The following PARG variants were observed in gnomAD, a reference collection of about 807,000 sequenced individuals.
The protein encoded by PARG is mitochondrial poly(ADP-ribose) glycohydrolase.
In PARG, 35 loss-of-function variants were observed where a neutral mutation model predicts 113.0. That is an observed-to-expected ratio of 0.31 (90% CI 0.24 to 0.41). The LOEUF is 0.41. PARG is among the 10% of genes least tolerant of loss of function. PARG has a pLI of 1.00. For synonymous variants in PARG, 330 were observed against 409.9 expected (o/e 0.81, Z 2.36); for missense variants, 797 against 1,169.4 (o/e 0.68, Z 4.64).
intron 1 of PARG, among the ~76,000 whole-genome samples, chr10:49,936,375 G>A (rs1554910846): frequency 2.0e-5 from 3 of 152,128 alleles, no homozygotes; most frequent in East Asian, 1.9e-4. Flanking sequence ...CGATTAGGTC[G>A]ATTCTGCCTA....
At chr10:49,892,517 C>T (rs1847858955) in intron 7 of PARG, among the ~76,000 whole-genome samples, 1 of 152,056 alleles carries the variant, frequency 6.6e-6, no homozygotes, top group Non-Finnish European at 1.5e-5. Flanking sequence ...ACACAGTATT[C>T]CAAAGTAGAG....
At chr10:49,845,528 G>T (rs1845465043) in intron 13 of PARG, among the ~76,000 whole-genome samples, 1 of 152,226 alleles carries the variant, frequency 6.6e-6, no homozygotes. Context: ...CTTCAGAGAA[G>T]CCTCAGCTCT....
At position 49,941,753 on chromosome 10, in the gene PARG, G is replaced by C; in HGVS notation, c.-28C>G. 6.5e-7 allele frequency: 1 copy of C among 1,549,394 alleles called. No individual in the cohort carries two copies. Among genetic ancestry groups the C allele is most frequent in the Non-Finnish European group, 8.7e-7 (1 of 1,151,176 alleles). ...TGGGACCAGCAGCGCACTGTCCCCG[G>C]GCCGGCCCGGGCGGAGAGCCTCATT... On this transcript the variant is annotated 5_prime_UTR_variant, in exon 1 of 18. Transcript: ENST00000616448.
intron 7 of PARG, among the ~76,000 whole-genome samples, chr10:49,913,867 C>T (rs1252703004): frequency 6.6e-6 from 1 of 152,108 alleles, no homozygotes; most frequent in Non-Finnish European, 1.5e-5. Context: ...TGTGCCGCTG[C>T]ACTCCAGCCT....
chr10:49,827,591 A>C (rs1481358053), intron 16 of PARG, among the ~76,000 whole-genome samples: 1 of 152,226 alleles, frequency 6.6e-6, no homozygotes, highest in Non-Finnish European at 1.5e-5. Flanking sequence ...AAAACAGAAC[A>C]AAAACAACAA....
Position 49,843,589 on chromosome 10 carries a change from A to G in PARG, c.2397T>C (p.Tyr799=), listed in dbSNP as rs1845351494. Residue 799 remains tyrosine (Y), a synonymous_variant, in exon 14 of 18, where the codon TAT becomes TAC. Transcript: ENST00000616448. ...CATCTTCGTGGCTCCGGGACCAACG[A>G]TATGTCTCAGCATAGCCTGTGTATT... is the stretch of plus-strand genomic sequence containing the variant. ...YSEYTGYAET[Y]RWSRSHEDGS... 1 of 1,551,120 alleles carries G rather than the reference A, an allele frequency of 6.4e-7. No individual in the cohort carries two copies. Among genetic ancestry groups the G allele is most frequent in the African/African-American group, 1.4e-5 (1 of 73,042 alleles).
intron 1 of PARG, among the ~76,000 whole-genome samples, 192 bp from the exon 2 acceptor site, chr10:49,935,334 G>T (rs1172615797): frequency 3.9e-5 from 6 of 152,306 alleles, no homozygotes; most frequent in African/African-American, 1.4e-4. Context: ...AAAATGACTG[G>T]TGCCTAAAAG....
chr10:49,873,234 CCT>C (rs1846783763), intron 9 of PARG, among the ~76,000 whole-genome samples: 1 of 53,818 alleles, frequency 1.9e-5, no homozygotes, highest in African/African-American at 7.7e-5. Flanking sequence ...GCTAGCCATA[CCT>C]CTCTTTTGAG....
Position 49,823,579 on chromosome 10 carries a change from C to T in PARG, c.2648-3286G>A, listed in dbSNP as rs573495308. 1.4e-4 allele frequency among the ~76,000 whole-genome samples: 22 copies of T among 152,226 alleles called. No homozygotes were observed. In the South Asian group the frequency reaches 3.9e-3, roughly 27 times the overall value. ...AAACTGCTCAACCAACTTATCCATACATTAAAGTTTCAATACACCCTATTT... is the reference window on the plus strand; with the variant it reads ...AAACTGCTCAACCAACTTATCCATATATTAAAGTTTCAATACACCCTATTT... On this transcript the variant is annotated intron_variant, in intron 16 of 17. Coordinates refer to ENST00000616448, the MANE Select transcript of PARG (RefSeq NM_003631.5).
intron 8 of PARG, among the ~76,000 whole-genome samples, chr10:49,881,509 A>G (rs1588936406): frequency 6.6e-6 from 1 of 152,334 alleles, no homozygotes; most frequent in Admixed American, 6.5e-5. Context: ...TCTCCCCTTC[A>G]GTAAGACCCA....
intron 13 of PARG, among the ~76,000 whole-genome samples, chr10:49,857,066 A>G (rs1168059675): frequency 4.6e-5 from 7 of 151,926 alleles, no homozygotes; most frequent in Non-Finnish European, 8.8e-5. Flanking sequence ...ATAGTTTTTA[A>G]TCCCTGTTCC....
chr10:49,839,381 A>G (rs1554831796), intron 15 of PARG, among the ~76,000 whole-genome samples: 2 of 152,164 alleles, frequency 1.3e-5, no homozygotes, highest in African/African-American at 4.8e-5. Flanking sequence ...GTCATTTAAC[A>G]AAATATTTTT....
At chr10:49,917,044 G>A (rs1308295738) in intron 6 of PARG, among the ~76,000 whole-genome samples, 1 of 151,834 alleles carries the variant, frequency 6.6e-6, no homozygotes, top group African/African-American at 2.4e-5. Context: ...TTATTCACTT[G>A]GAATCAGGGG....
intron 8 of PARG, among the ~76,000 whole-genome samples, chr10:49,881,467 G>C (rs1847210829): frequency 6.6e-6 from 1 of 152,158 alleles, no homozygotes; most frequent in Admixed American, 6.6e-5. Context: ...GTTTCAAAAT[G>C]CTCCCACAGA....
intron 10 of PARG, among the ~76,000 whole-genome samples, 200 bp downstream of exon 10, chr10:49,869,276 G>C (rs1257230166): frequency 3.3e-5 from 5 of 151,980 alleles, no homozygotes; most frequent in African/African-American, 1.2e-4. Context: ...TGTAAACCCC[G>C]CCCCCCTACA....
chr10:49,822,799 A>G (rs377019102), intron 16 of PARG, among the ~76,000 whole-genome samples: 7 of 152,352 alleles, frequency 4.6e-5, no homozygotes, highest in African/African-American at 1.4e-4. Flanking sequence ...GCCTCTTGAC[A>G]GTGTCACTGA....
At chr10:49,935,350 G>T (rs1426834230) in intron 1 of PARG, among the ~76,000 whole-genome samples, 19 of 152,304 alleles carry the variant, frequency 1.2e-4, no homozygotes, top group Middle Eastern at 6.8e-3. Context: ...AAAAGAGTTG[G>T]TATGGCCTAA....
chr10:49,886,236 T>G (rs543137323), intron 7 of PARG, among the ~76,000 whole-genome samples: 3 of 152,214 alleles, frequency 2.0e-5, no homozygotes, highest in Non-Finnish European at 4.4e-5. Flanking sequence ...CCACAGCTCT[T>G]CCTACTTCCC....
intron 6 of PARG, among the ~76,000 whole-genome samples, chr10:49,918,882 G>A (rs1250134689): frequency 6.6e-6 from 1 of 152,026 alleles, no homozygotes; most frequent in Non-Finnish European, 1.5e-5. Flanking sequence ...TAATCATGGT[G>A]CACTAAGGAA....
Sources: allele counts gnomAD v4.1 joint callset (sites outside exome capture counted in the v4.1 genomes callset), GRCh38; gene constraint gnomAD v4.1.1; transcripts MANE v1.5; gene names NCBI Gene and HGNC (gene_info 2026-07-23, HGNC 2026-07-21).